The following ROBO2 variants were observed in gnomAD, a reference collection of about 807,000 sequenced individuals.
ROBO2 encodes roundabout guidance receptor 2.
In ROBO2, 53 loss-of-function variants were observed where a neutral mutation model predicts 160.8. The ratio of observed to expected loss-of-function variants is 0.33; its 90% CI spans 0.26 to 0.41. ROBO2 has a LOEUF of 0.41. ROBO2 is among the 10% of genes least tolerant of loss of function. The pLI is 1.00. For synonymous variants in ROBO2, 664 were observed against 611.7 expected, an observed-to-expected ratio of 1.09 and a Z score of -1.26; for missense variants, 1,577 against 1,722.4, an observed-to-expected ratio of 0.92 and a Z score of 1.49.
intron 2 of ROBO2, among the ~76,000 whole-genome samples, chr3:77,226,852 G>T (rs1163977696): frequency 6.6e-6 from 1 of 152,082 alleles, no homozygotes; most frequent in Non-Finnish European, 1.5e-5. Context: ...GGTTGTACAG[G>T]TGCTCAAATA....
At chr3:77,289,691 C>T (rs1184784495) in intron 2 of ROBO2, among the ~76,000 whole-genome samples, 1 of 150,310 alleles carries the variant, frequency 6.7e-6, no homozygotes, top group Non-Finnish European at 1.5e-5. Context: ...GAGGCTAGAA[C>T]ACTAAAGACA....
rs866037326 is a variant in ROBO2, at chr3:76,947,810, A to C, written c.110-150204A>C. Reference sequence around the variant, plus strand: ...TTCTCATCTGAACGTACTACTTTTTACTTCAAGTTCTGATATTATTTTGTT... The same window carrying C: ...TTCTCATCTGAACGTACTACTTTTTCCTTCAAGTTCTGATATTATTTTGTT... On this transcript the variant is annotated intron_variant, in intron 2 of 26. Transcript: ENST00000487694. 2.6e-5 allele frequency among the ~76,000 whole-genome samples: 4 copies of C among 151,948 alleles called. No homozygotes were observed. The South Asian group carries it at 8.3e-4, about 32-fold the overall frequency.
intron 2 of ROBO2, among the ~76,000 whole-genome samples, chr3:76,987,344 C>T (rs2060436365): frequency 6.6e-6 from 1 of 152,060 alleles, no homozygotes; most frequent in South Asian, 2.1e-4. Flanking sequence ...TCCACACTGC[C>T]GTGTAGTGGG....
At chr3:77,593,359 C>A (rs926918071) in intron 17 of ROBO2, among the ~76,000 whole-genome samples, 2 of 152,070 alleles carry the variant, frequency 1.3e-5, no homozygotes, top group African/African-American at 4.8e-5. Context: ...CAGATTAATT[C>A]TTTTTTGTTA....
chr3:75,968,440 A>G (rs556085083), intron 2 of ROBO2, among the ~76,000 whole-genome samples: 1 of 151,612 alleles, frequency 6.6e-6, no homozygotes, highest in East Asian at 2.0e-4. Flanking sequence ...TAATGTATAA[A>G]TTGTTAAGTT....
intron 2 of ROBO2, among the ~76,000 whole-genome samples, chr3:77,240,764 T>C (rs1027546879): frequency 2.0e-5 from 3 of 152,236 alleles, no homozygotes; most frequent in African/African-American, 7.2e-5. Flanking sequence ...TTCAGAAAAG[T>C]TGACATTTCT....
At chr3:76,291,393 C>A (rs906408758) in intron 2 of ROBO2, among the ~76,000 whole-genome samples, 1 of 151,860 alleles carries the variant, frequency 6.6e-6, no homozygotes, top group Non-Finnish European at 1.5e-5. Flanking sequence ...CGGCAATGTC[C>A]CCTTTTTATT....
At chr3:76,357,043 A>G (rs1045616547) in intron 2 of ROBO2, among the ~76,000 whole-genome samples, 1 of 151,896 alleles carries the variant, frequency 6.6e-6, no homozygotes, top group Non-Finnish European at 1.5e-5. Flanking sequence ...TACACTGAGA[A>G]CTATTTAAAA....
chr3:77,330,913 ATTGT>A (rs1332736625), intron 2 of ROBO2, among the ~76,000 whole-genome samples: 2 of 152,164 alleles, frequency 1.3e-5, no homozygotes, highest in Non-Finnish European at 2.9e-5. Context: ...GTCAAGTGAA[ATTGT>A]TTCTCAGTAT....
intron 2 of ROBO2, among the ~76,000 whole-genome samples, chr3:76,135,040 C>G (rs1227291015): frequency 2.0e-5 from 3 of 152,070 alleles, no homozygotes; most frequent in Non-Finnish European, 4.4e-5. Context: ...GCCAGTGGCT[C>G]TGCCATCTCT....
At chr3:76,726,507 T>G (rs2093555391) in intron 2 of ROBO2, among the ~76,000 whole-genome samples, 1 of 152,192 alleles carries the variant, frequency 6.6e-6, no homozygotes, top group Admixed American at 6.5e-5. Flanking sequence ...TGTCTTCACT[T>G]TTCTGAGTTT....
chr3:77,042,022 T>C lies in ROBO2; in HGVS notation c.61+1176T>C, dbSNP rs1331944042. 2.0e-5 allele frequency among the ~76,000 whole-genome samples: 3 copies of C among 152,210 alleles called. No homozygotes were observed. In the South Asian group the frequency reaches 6.2e-4, roughly 31 times the overall value. ...TAACTTTGTTCCTGGCAGCTACTGC[T>C]GCATAGAGCCCAATGTATTGGACTC... On this transcript the variant is annotated intron_variant, in intron 1 of 25. Coordinates refer to ENST00000461745, the Ensembl canonical transcript of ROBO2.
chr3:76,925,930 C>T (rs896692533), intron 2 of ROBO2, among the ~76,000 whole-genome samples: 6 of 152,158 alleles, frequency 3.9e-5, no homozygotes, highest in African/African-American at 1.4e-4. Context: ...AACTGTGCTT[C>T]CAAGATGAGT....
At chr3:77,466,089 A>T (rs1048515502) in intron 2 of ROBO2, among the ~76,000 whole-genome samples, 2 of 152,142 alleles carry the variant, frequency 1.3e-5, no homozygotes, top group Admixed American at 6.6e-5. Context: ...GGTTACTGGG[A>T]TTGGGATAGA....
intron 2 of ROBO2, among the ~76,000 whole-genome samples, chr3:76,874,297 CCAAAGT>C (rs960903339): frequency 2.2e-4 from 34 of 152,110 alleles, no homozygotes; most frequent in African/African-American, 7.7e-4. Flanking sequence ...TAAGAATCTT[CCAAAGT>C]CAAACAGGGG....
intron 2 of ROBO2, among the ~76,000 whole-genome samples, chr3:76,093,060 A>G (rs1009107678): frequency 2.0e-5 from 3 of 152,140 alleles, no homozygotes; most frequent in African/African-American, 7.2e-5. Context: ...GTTTTGGGAT[A>G]CTTTTGAGAT....
chr3:75,990,621 A>G (rs2065539781), intron 2 of ROBO2, among the ~76,000 whole-genome samples: 1 of 152,246 alleles, frequency 6.6e-6, no homozygotes. Flanking sequence ...AAGTAATTTA[A>G]TTTTGAGCTT....
chr3:77,577,621 C>A lies in ROBO2; in HGVS notation c.2328+7C>A, dbSNP rs766649144. 1.9e-6 allele frequency: 3 copies of A among 1,613,082 alleles called. No individual in the cohort carries two copies. In the South Asian group the frequency reaches 3.3e-5, roughly 18 times the overall value. On this transcript the variant is annotated splice_region_variant and intron_variant, in intron 15 of 25. Coordinates refer to ENST00000461745, the Ensembl canonical transcript of ROBO2. Reference sequence around the variant, plus strand: ...AATTATCCAAGAATACAAGGTAGGACCCGGGTGAAGAAGGACAGCTCTCAT... The same window carrying A: ...AATTATCCAAGAATACAAGGTAGGAACCGGGTGAAGAAGGACAGCTCTCAT...
chr3:76,151,897 T>C (rs770796977), intron 2 of ROBO2, among the ~76,000 whole-genome samples: 3 of 152,198 alleles, frequency 2.0e-5, no homozygotes, highest in Non-Finnish European at 4.4e-5. Context: ...ATTTGGTTGC[T>C]ACTTTAAAAA....
Sources: gnomAD v4.1 joint callset for allele counts (sites outside exome capture counted in the v4.1 genomes callset) on GRCh38, gnomAD v4.1.1 for gene constraint, MANE v1.5 for transcripts, NCBI Gene and HGNC (gene_info 2026-07-23, HGNC 2026-07-21) for gene names.